Variants in DIPK1A observed in about 807,000 individuals in gnomAD.
DIPK1A encodes divergent protein kinase domain 1A, also known as family with sequence similarity 69 member A.
Under a neutral mutation model 40.8 loss-of-function variants are expected in DIPK1A, and 27 were observed. The ratio of observed to expected loss-of-function variants is 0.66; its 90% CI spans 0.49 to 0.91. DIPK1A has a LOEUF of 0.91. Among genes scored for constraint, DIPK1A ranks in the 40% least tolerant of loss-of-function variants. The pLI is 0.00. For missense variants in DIPK1A, 412 were observed against 505.7 expected (o/e 0.81, Z 1.78); for synonymous variants, 166 against 171.3 (o/e 0.97, Z 0.24).
intron 1 of DIPK1A, among the ~76,000 whole-genome samples, chr1:92,884,507 AT>A (rs35576214): frequency 0.014 from 2,103 of 152,206 alleles, 54 homozygotes; most frequent in African/African-American, 0.048. Flanking sequence ...AATAGAATTC[AT>A]ATTACCTTAT....
chr1:92,839,921 A>G (rs1445792457), downstream of DIPK1A, among the ~76,000 whole-genome samples: 1 of 151,670 alleles, frequency 6.6e-6, no homozygotes, highest in Non-Finnish European at 1.5e-5. Flanking sequence ...GCTCATTGCA[A>G]CTTCAGACTT....
intron 1 of DIPK1A, among the ~76,000 whole-genome samples, chr1:92,938,303 G>C (rs1047656040): frequency 1.3e-5 from 2 of 151,880 alleles, no homozygotes; most frequent in East Asian, 3.9e-4. Flanking sequence ...GGCTGAGCCA[G>C]GAGAATTAGC....
At chr1:92,853,249 A>G (rs1030931662) in intron 2 of DIPK1A, among the ~76,000 whole-genome samples, 1 of 152,248 alleles carries the variant, frequency 6.6e-6, no homozygotes, top group Non-Finnish European at 1.5e-5. Context: ...AAATATTCAA[A>G]GTAGAATTCA....
At chr1:92,960,740 C>A (rs1400716717) in intron 1 of DIPK1A, among the ~76,000 whole-genome samples, 1 of 152,214 alleles carries the variant, frequency 6.6e-6, no homozygotes, top group Middle Eastern at 3.2e-3. Context: ...AACACCCATC[C>A]GCCTGGTTCA....
At chr1:92,915,697 G>A (rs1050017483) in intron 1 of DIPK1A, among the ~76,000 whole-genome samples, 5 of 152,110 alleles carry the variant, frequency 3.3e-5, no homozygotes, top group African/African-American at 1.2e-4. Flanking sequence ...CAGCTACCTT[G>A]GAAAACAGTT....
Position 92,866,609 on chromosome 1 carries a change from C to A in DIPK1A, c.189+9687G>T, listed in dbSNP as rs537460576. Among the ~76,000 whole-genome samples, 36 of 152,334 alleles carry A rather than the reference C, an allele frequency of 2.4e-4. 1 individual carries two copies. The highest frequency in any genetic ancestry group is 2.0e-3 in the Admixed American group (31 of 15,296). ...AGGCCATAGCCCCCAGTTATCAAAA[C>A]AAACAATCTAGGTGTTGCTGTGAGG... On this transcript the variant is annotated intron_variant, in intron 2 of 4. Coordinates refer to ENST00000370310, the MANE Select transcript of DIPK1A (RefSeq NM_001006605.5).
intron 4 of DIPK1A, chr1:92,846,629 CT>C (rs1444725174): frequency 1.0e-5 from 4 of 385,406 alleles, no homozygotes; most frequent in African/African-American, 1.0e-4. Context: ...GATTTCTTTT[CT>C]TTTTCTTTTT....
chr1:92,838,341 A>C (rs1237450884), downstream of DIPK1A, among the ~76,000 whole-genome samples: 1 of 152,310 alleles, frequency 6.6e-6, no homozygotes, highest in Admixed American at 6.5e-5. Context: ...TTACTGCGTT[A>C]TATTTCTTTG....
intron 1 of DIPK1A, among the ~76,000 whole-genome samples, chr1:92,928,995 T>C (rs1650634779): frequency 6.6e-6 from 1 of 152,080 alleles, no homozygotes; most frequent in South Asian, 2.1e-4. Context: ...AAAAAATTTC[T>C]CTTTCTCTGT....
chr1:92,895,527 G>A (rs888163333), intron 1 of DIPK1A, among the ~76,000 whole-genome samples: 3 of 152,052 alleles, frequency 2.0e-5, no homozygotes, highest in African/African-American at 7.3e-5. Context: ...AGCTATCTAT[G>A]ACAAACCCAC....
chr1:92,863,763 T>C (rs1647397505), intron 2 of DIPK1A, among the ~76,000 whole-genome samples: 2 of 152,056 alleles, frequency 1.3e-5, no homozygotes, highest in Admixed American at 1.3e-4. Flanking sequence ...TTTAAAACAG[T>C]GTGTTCCGGC....
At position 92,843,307 on chromosome 1, in the gene DIPK1A, G is replaced by A. The variant is rs1055975693; in HGVS notation, c.*76C>T. The A allele has an allele frequency of 1.2e-5, 18 of 1,455,776 alleles. 1 individual carries two copies. The African/African-American group carries it at 2.6e-4, about 21-fold the overall frequency. The allele number at this position is 1,455,776 out of a possible 1,614,324, so 90.2% of individuals were successfully genotyped here. The stretch of plus-strand genomic sequence containing the variant: ...TTTGTGTAACTGGCCGGAATTTGAA[G>A]CCATTTTTTTTTAATGCTCAAAATT... On this transcript the variant is annotated 3_prime_UTR_variant, in exon 5 of 5. Coordinates refer to ENST00000370310, the MANE Select transcript of DIPK1A (RefSeq NM_001006605.5).
intron 1 of DIPK1A, among the ~76,000 whole-genome samples, chr1:92,914,206 T>A (rs1309499472): frequency 6.6e-6 from 1 of 151,080 alleles, no homozygotes; most frequent in Admixed American, 6.6e-5. Flanking sequence ...TCAGTAGACA[T>A]CTGTCAGATG....
intron 1 of DIPK1A, among the ~76,000 whole-genome samples, chr1:92,937,199 A>C (rs1013984073): frequency 1.3e-5 from 2 of 152,086 alleles, no homozygotes; most frequent in Non-Finnish European, 2.9e-5. Context: ...GGTGGCTCAT[A>C]TCTGTAATCC....
At chr1:92,862,788 G>A (rs1053947824) in intron 2 of DIPK1A, among the ~76,000 whole-genome samples, 3 of 152,112 alleles carry the variant, frequency 2.0e-5, no homozygotes, top group Admixed American at 6.6e-5. Context: ...GCAAACTGCC[G>A]TTCATCTTCT....
intron 1 of DIPK1A, among the ~76,000 whole-genome samples, chr1:92,903,323 G>A (rs1649492490): frequency 6.6e-6 from 1 of 152,186 alleles, no homozygotes; most frequent in African/African-American, 2.4e-5. Flanking sequence ...TGGGATTACA[G>A]GGGTGAACCA....
intron 1 of DIPK1A, among the ~76,000 whole-genome samples, chr1:92,904,142 C>A (rs555269736): frequency 6.6e-6 from 1 of 152,108 alleles, no homozygotes. Flanking sequence ...GTTTCAGAGA[C>A]AAATGACAGA....
downstream of DIPK1A, among the ~76,000 whole-genome samples, chr1:92,838,116 C>T (rs966811811): frequency 2.0e-5 from 3 of 152,194 alleles, no homozygotes; most frequent in Non-Finnish European, 2.9e-5. Context: ...GAGAGCCATT[C>T]CTGACCCAGG....
intron 4 of DIPK1A, chr1:92,837,156 A>G (rs1687162314): frequency 4.0e-6 from 2 of 496,076 alleles, no homozygotes; most frequent in Non-Finnish European, 7.5e-6. Flanking sequence ...GATTTAGAGT[A>G]TAAGTTTTGA....
Sources: allele counts gnomAD v4.1 joint callset (sites outside exome capture counted in the v4.1 genomes callset), GRCh38; gene constraint gnomAD v4.1.1; transcripts MANE v1.5; gene names NCBI Gene and HGNC (gene_info 2026-07-23, HGNC 2026-07-21).